The following CAMK2D variants were observed in gnomAD, a reference collection of about 807,000 sequenced individuals.
CAMK2D encodes the protein calcium/calmodulin-dependent protein kinase type II subunit delta.
Under a neutral mutation model 84.0 loss-of-function variants are expected in CAMK2D, and 37 were observed. The observed-to-expected ratio is 0.44, with a 90% CI of 0.34 to 0.58. The LOEUF is 0.58. Ranked by LOEUF, CAMK2D falls within the 20% of genes least tolerant of loss-of-function variation. CAMK2D has a pLI of 0.02. For synonymous variants in CAMK2D, 202 were observed against 212.5 expected, an observed-to-expected ratio of 0.95 and a Z score of 0.43; for missense variants, 448 against 652.5, an observed-to-expected ratio of 0.69 and a Z score of 3.41.
chr4:113,749,930 TAAGTTTCTCTTTG>T (rs2099613455), intron 2 of CAMK2D, among the ~76,000 whole-genome samples: 1 of 152,250 alleles, frequency 6.6e-6, no homozygotes, highest in South Asian at 2.1e-4. Context: ...TTGCCAGTCA[TAAGTTTCTCTTTG>T]AAGCATGTCT....
At chr4:113,739,230 T>C (rs2099587629) in intron 2 of CAMK2D, among the ~76,000 whole-genome samples, 1 of 152,160 alleles carries the variant, frequency 6.6e-6, no homozygotes, top group African/African-American at 2.4e-5. Context: ...ATTTAAAAGA[T>C]TAAAATGGAA....
intron 2 of CAMK2D, among the ~76,000 whole-genome samples, chr4:113,712,041 C>T (rs950261358): frequency 3.3e-5 from 5 of 152,110 alleles, no homozygotes; most frequent in South Asian, 4.1e-4. Flanking sequence ...CTCCAATGAA[C>T]AAGCCTTAAA....
intron 2 of CAMK2D, among the ~76,000 whole-genome samples, chr4:113,664,591 T>G (rs1381895181): frequency 6.6e-6 from 1 of 152,182 alleles, no homozygotes; most frequent in Non-Finnish European, 1.5e-5. Context: ...TATGGCAACA[T>G]GTTTCATCAA....
chr4:113,498,590 T>C (rs1239240350), intron 16 of CAMK2D, among the ~76,000 whole-genome samples: 1 of 152,210 alleles, frequency 6.6e-6, no homozygotes, highest in Non-Finnish European at 1.5e-5. Flanking sequence ...TTGATCTCAA[T>C]ATGATGCTGA....
chr4:113,601,492 G>A (rs2154260210), intron 4 of CAMK2D, among the ~76,000 whole-genome samples: 1 of 151,138 alleles, frequency 6.6e-6, no homozygotes, highest in East Asian at 1.9e-4. Context: ...TTTCCCACAT[G>A]AGACATACTA....
At chr4:113,682,933 A>G (rs547452836) in intron 2 of CAMK2D, among the ~76,000 whole-genome samples, 1 of 152,326 alleles carries the variant, frequency 6.6e-6, no homozygotes, top group African/African-American at 2.4e-5. Context: ...TAGATAAATA[A>G]AAGACTCATA....
At chr4:113,533,790 G>GTGAC (rs1163764552) in intron 7 of CAMK2D, among the ~76,000 whole-genome samples, 1 of 151,398 alleles carries the variant, frequency 6.6e-6, no homozygotes, top group Non-Finnish European at 1.5e-5. Flanking sequence ...ATCAAGTATA[G>GTGAC]TGACAGGGTG....
At chr4:113,489,575 T>C (rs2097802111) in intron 16 of CAMK2D, among the ~76,000 whole-genome samples, 1 of 149,136 alleles carries the variant, frequency 6.7e-6, no homozygotes, top group Non-Finnish European at 1.5e-5. Context: ...AAGTCTTTGC[T>C]ATTGTGAATA....
chr4:113,638,825 G>C (rs376184137), intron 3 of CAMK2D, among the ~76,000 whole-genome samples: 1 of 152,024 alleles, frequency 6.6e-6, no homozygotes, highest in Non-Finnish European at 1.5e-5. Flanking sequence ...AGACAATTGT[G>C]GTAAGGTGGA....
At chr4:113,486,146 A>G (rs879466051) in intron 16 of CAMK2D, among the ~76,000 whole-genome samples, 6 of 151,356 alleles carry the variant, frequency 4.0e-5, no homozygotes, top group Non-Finnish European at 5.9e-5. Context: ...TTTTTTTAAG[A>G]GACAGAGTCT....
chr4:113,674,206 T>C (rs1012087717), intron 2 of CAMK2D, among the ~76,000 whole-genome samples: 2 of 152,144 alleles, frequency 1.3e-5, no homozygotes, highest in Admixed American at 6.6e-5. Context: ...TTTTTCTAGA[T>C]AACCTACACT....
chr4:113,580,193 G>A (rs2098801340), intron 4 of CAMK2D, among the ~76,000 whole-genome samples: 1 of 152,110 alleles, frequency 6.6e-6, no homozygotes, highest in Admixed American at 6.6e-5. Flanking sequence ...CAATTAAAAA[G>A]GCAAGAGAAA....
chr4:113,700,655 T>C (rs1173762467), intron 2 of CAMK2D, among the ~76,000 whole-genome samples: 2 of 148,768 alleles, frequency 1.3e-5, no homozygotes, highest in Non-Finnish European at 3.0e-5. Flanking sequence ...TTCAGCTACC[T>C]CTCTAGGGTG....
At chr4:113,550,169 A>C (rs1226719300) in intron 5 of CAMK2D, among the ~76,000 whole-genome samples, 1 of 152,118 alleles carries the variant, frequency 6.6e-6, no homozygotes, top group Non-Finnish European at 1.5e-5. Context: ...AAATTTTTAC[A>C]ATTTTTTGAC....
intron 2 of CAMK2D, among the ~76,000 whole-genome samples, chr4:113,706,027 C>T (rs2099452687): frequency 6.6e-6 from 1 of 152,074 alleles, no homozygotes; most frequent in South Asian, 2.1e-4. Context: ...GAAAATTGCT[C>T]CTCATGAGTA....
chr4:113,615,865 G>A (rs564356841), intron 3 of CAMK2D, among the ~76,000 whole-genome samples: 65 of 152,106 alleles, frequency 4.3e-4, no homozygotes, highest in Middle Eastern at 3.4e-3. Context: ...TGATTAGCTG[G>A]CTAAGGCAAA....
intron 3 of CAMK2D, among the ~76,000 whole-genome samples, chr4:113,638,487 C>T (rs896130862): frequency 7.9e-5 from 12 of 152,054 alleles, no homozygotes; most frequent in Admixed American, 2.6e-4. Flanking sequence ...TAGATACCTA[C>T]GAGATGCAAA....
rs1024567861 is a variant in CAMK2D, at chr4:113,543,672, C to G, written c.414+3972G>C. Reference sequence around the variant, plus strand: ...GAATGTTTGATGAATATTCATTCTTCTCTTTTTGTATTTGAACTTTAAACC... The same window carrying G: ...GAATGTTTGATGAATATTCATTCTTGTCTTTTTGTATTTGAACTTTAAACC... On this transcript the variant is annotated intron_variant, in intron 6 of 20. Coordinates refer to ENST00000511664, the MANE Select transcript of CAMK2D (RefSeq NM_001321571.2). Among the ~76,000 whole-genome samples, 47 of 152,126 alleles carry G rather than the reference C, an allele frequency of 3.1e-4. 2 individuals are homozygous for G. The highest frequency in any genetic ancestry group is 3.0e-3 in the Admixed American group (46 of 15,268).
intron 12 of CAMK2D, among the ~76,000 whole-genome samples, chr4:113,512,483 A>G (rs1477403809): frequency 6.6e-6 from 1 of 152,226 alleles, no homozygotes; most frequent in Non-Finnish European, 1.5e-5. Context: ...TACCTTTGAC[A>G]GTTGTAATCA....
Sources: gnomAD v4.1 joint callset for allele counts (sites outside exome capture counted in the v4.1 genomes callset) on GRCh38, gnomAD v4.1.1 for gene constraint, MANE v1.5 for transcripts, NCBI Gene and HGNC (gene_info 2026-07-23, HGNC 2026-07-21) for gene names.